ALK: variants seen among roughly 807,000 people sequenced by gnomAD.
The protein encoded by ALK is ALK receptor tyrosine kinase.
In ALK, 74 loss-of-function variants were observed where a neutral mutation model predicts 163.1. That is an observed-to-expected ratio of 0.45 (90% CI 0.38 to 0.55). The LOEUF (loss-of-function observed/expected upper bound fraction) is 0.55, where lower values mean the gene tolerates loss of function less well. Among genes scored for constraint, ALK ranks in the 20% least tolerant of loss-of-function variants. The pLI, the probability that ALK is intolerant of heterozygous loss-of-function variation, is 0.00. For missense variants in ALK, 2,063 were observed against 2,105.3 expected, an observed-to-expected ratio of 0.98 and a Z score of 0.39; for synonymous variants, 960 against 843.2, an observed-to-expected ratio of 1.14 and a Z score of -2.40.
chr2:29,468,853 CAAAAAAAAAAA>C (rs70958265), intron 4 of ALK, among the ~76,000 whole-genome samples: 3 of 30,910 alleles, frequency 9.7e-5, no homozygotes, highest in African/African-American at 2.5e-4. Context: ...GACCCTGCCT[CAAAAAAAAAAA>C]AAAAAAAAAA....
At chr2:29,240,854 T>C (rs1451275403) in intron 12 of ALK, among the ~76,000 whole-genome samples, 1 of 152,170 alleles carries the variant, frequency 6.6e-6, no homozygotes, top group Non-Finnish European at 1.5e-5. Flanking sequence ...TTCACATCCA[T>C]GTGTATTCAG....
At position 29,199,712 on chromosome 2, in the gene ALK, A is replaced by G. The variant is rs560506172; in HGVS notation, c.3939-2036T>C. On this transcript the variant is annotated intron_variant, in intron 26 of 28. Transcript: ENST00000389048. ...CTCTTTAAAAAATATTTGATTTCTC[A>G]TTTGTTTTTTTAAAAGCTTTATGAG... Among the ~76,000 whole-genome samples the G allele has an allele frequency of 4.6e-5, 7 of 152,068 alleles. No homozygotes were observed. The East Asian group carries it at 1.4e-3, about 29-fold the overall frequency.
At chr2:29,843,028 T>C (rs567080629) in intron 1 of ALK, among the ~76,000 whole-genome samples, 6 of 152,288 alleles carry the variant, frequency 3.9e-5, no homozygotes, top group Admixed American at 2.6e-4. Context: ...CTCCCCACTG[T>C]ATGAAGTCCC....
At chr2:29,747,168 G>T (rs1011431786) in intron 1 of ALK, among the ~76,000 whole-genome samples, 1 of 152,074 alleles carries the variant, frequency 6.6e-6, no homozygotes. Flanking sequence ...ACTCCAGCTT[G>T]ACCTCTCTCA....
chr2:29,680,379 T>C (rs1678027161), intron 3 of ALK, among the ~76,000 whole-genome samples: 1 of 152,124 alleles, frequency 6.6e-6, no homozygotes, highest in African/African-American at 2.4e-5. Context: ...AAAACATTTT[T>C]CTCTCTGTTC....
At chr2:29,577,617 G>A (rs1213106535) in intron 3 of ALK, among the ~76,000 whole-genome samples, 1 of 150,926 alleles carries the variant, frequency 6.6e-6, no homozygotes, top group African/African-American at 2.5e-5. Context: ...ACAGTTCTAG[G>A]CATCACTGCC....
intron 1 of ALK, among the ~76,000 whole-genome samples, chr2:29,913,625 G>A (rs1003703565): frequency 2.0e-5 from 3 of 152,172 alleles, no homozygotes; most frequent in African/African-American, 7.2e-5. Flanking sequence ...TGATGTTCAT[G>A]TGCATCTTTT....
At chr2:29,879,822 G>A (rs774975953) in intron 1 of ALK, among the ~76,000 whole-genome samples, 1 of 152,202 alleles carries the variant, frequency 6.6e-6, no homozygotes, top group Admixed American at 6.5e-5. Flanking sequence ...GTAAGAAGCA[G>A]TCAGTAGGTT....
chr2:29,770,871 TCACA>T (rs1399815390), intron 1 of ALK, among the ~76,000 whole-genome samples: 1 of 150,118 alleles, frequency 6.7e-6, no homozygotes. Flanking sequence ...AGTCTCACAG[TCACA>T]CACATGCACA....
intron 11 of ALK, among the ~76,000 whole-genome samples, chr2:29,262,893 G>A (rs926315029): frequency 6.6e-6 from 1 of 152,236 alleles, no homozygotes; most frequent in African/African-American, 2.4e-5. Flanking sequence ...CTCCCCAAGG[G>A]AAAGTCAGGA....
At chr2:29,538,193 G>T (rs953404566) in intron 3 of ALK, among the ~76,000 whole-genome samples, 2 of 150,786 alleles carry the variant, frequency 1.3e-5, no homozygotes, top group African/African-American at 5.0e-5. Flanking sequence ...GATATTTGGG[G>T]GGGGCAGGGG....
rs551939851 is a variant in ALK at position 29,827,986 on chromosome 2, A to G, written c.667+92007T>C. ...AAACAGAGATATAGATCAATGGAAC[A>G]GAACAGAGCCCTCAGAAATAATACC... is the stretch of plus-strand genomic sequence containing the variant. On this transcript the variant is annotated intron_variant, in intron 1 of 28. Coordinates refer to ENST00000389048, the MANE Select transcript of ALK (RefSeq NM_004304.5). Among the ~76,000 whole-genome samples, 97 of 152,376 alleles carry G rather than the reference A, an allele frequency of 6.4e-4. 1 individual carries two copies. The highest frequency in any genetic ancestry group is 2.2e-3 in the African/African-American group (92 of 41,596).
chr2:29,399,780 G>A (rs965894142), intron 4 of ALK, among the ~76,000 whole-genome samples: 2 of 152,176 alleles, frequency 1.3e-5, no homozygotes, highest in African/African-American at 4.8e-5. Context: ...GGACAAACCG[G>A]ACCTGGGAGT....
At chr2:29,851,313 T>A (rs1665984859) in intron 1 of ALK, among the ~76,000 whole-genome samples, 1 of 152,214 alleles carries the variant, frequency 6.6e-6, no homozygotes, top group Non-Finnish European at 1.5e-5. Flanking sequence ...CACAGCTGGC[T>A]GCTTCCTTTC....
intron 1 of ALK, among the ~76,000 whole-genome samples, chr2:29,776,485 A>C (rs1257568817): frequency 6.6e-6 from 1 of 152,216 alleles, no homozygotes; most frequent in Non-Finnish European, 1.5e-5. Flanking sequence ...GACCTCCTGC[A>C]CCACTTTGGT....
chr2:29,528,131 T>G (rs538123402), intron 4 of ALK, among the ~76,000 whole-genome samples: 1 of 152,368 alleles, frequency 6.6e-6, no homozygotes, highest in Admixed American at 6.5e-5. Flanking sequence ...TGGCAACTTC[T>G]ATCCCCTTGA....
intron 1 of ALK, among the ~76,000 whole-genome samples, chr2:29,747,843 A>G (rs756306923): frequency 2.7e-4 from 41 of 152,120 alleles, no homozygotes; most frequent in Admixed American, 4.6e-4. Flanking sequence ...CATGGCACAC[A>G]TTGTCAAGCT....
intron 5 of ALK, among the ~76,000 whole-genome samples, chr2:29,344,456 T>C (rs539549098): frequency 1.8e-4 from 28 of 152,192 alleles, no homozygotes; most frequent in Non-Finnish European, 2.8e-4. Flanking sequence ...TGTAAGAAGT[T>C]TGACTCCCTC....
At chr2:29,710,791 G>T (rs369352773) in intron 2 of ALK, among the ~76,000 whole-genome samples, 1 of 152,068 alleles carries the variant, frequency 6.6e-6, no homozygotes, top group Non-Finnish European at 1.5e-5. Flanking sequence ...GATTACAGGC[G>T]TGAGCAACTG....
Sources: allele counts gnomAD v4.1 joint callset (sites outside exome capture counted in the v4.1 genomes callset), GRCh38; gene constraint gnomAD v4.1.1; transcripts MANE v1.5; gene names NCBI Gene and HGNC (gene_info 2026-07-23, HGNC 2026-07-21).